Variants in ZHX3 observed in about 807,000 individuals in gnomAD.
The protein encoded by ZHX3 is zinc fingers and homeoboxes 3.
In ZHX3, 20 loss-of-function variants were observed where a neutral mutation model predicts 64.5. The ratio of observed to expected loss-of-function variants is 0.31; its 90% CI spans 0.22 to 0.45. The LOEUF (loss-of-function observed/expected upper bound fraction) is 0.45. ZHX3 is among the 20% of genes least tolerant of loss of function. The probability of loss-of-function intolerance (pLI) is 1.00; values close to 1 mark genes in which losing one functional copy is unlikely to be tolerated. For synonymous variants in ZHX3, 423 were observed against 461.6 expected (o/e 0.92, Z 1.07); for missense variants, 1,041 against 1,195.8 (o/e 0.87, Z 1.91).
intron 3 of ZHX3, among the ~76,000 whole-genome samples, chr20:41,189,012 T>C (rs1255404969): frequency 6.6e-6 from 1 of 152,216 alleles, no homozygotes; most frequent in African/African-American, 2.4e-5. Context: ...GTCTTAACTT[T>C]TGTATATGGT....
chr20:41,190,829 T>C (rs558512130), intron 3 of ZHX3, among the ~76,000 whole-genome samples: 2 of 152,284 alleles, frequency 1.3e-5, no homozygotes, highest in Admixed American at 6.5e-5. Flanking sequence ...CTTGGCTTAC[T>C]TTTTTTCCCC....
rs2036377876 is a variant in ZHX3, at chr20:41,184,720, G to T, written c.*471C>A. The stretch of plus-strand genomic sequence containing the variant: ...CCCTGCCTGACTGTGGAAGGTGAGG[G>T]GCACCTGTGACCCAGCAATCCCCAG... On this transcript the variant is annotated 3_prime_UTR_variant, in exon 4 of 4. Coordinates refer to ENST00000683867, the MANE Select transcript of ZHX3 (RefSeq NM_001384317.1). 1.5e-6 allele frequency: 1 copy of T among 668,834 alleles called. No individual in the cohort carries two copies. Among genetic ancestry groups the T allele is most frequent in the African/African-American group, 1.8e-5 (1 of 54,954 alleles). The allele number at this position is 668,834 out of a possible 1,614,324, so 41.4% of individuals were successfully genotyped here.
chr20:41,265,727 G>A (rs1046064384), intron 2 of ZHX3, among the ~76,000 whole-genome samples: 3 of 152,066 alleles, frequency 2.0e-5, no homozygotes, highest in Non-Finnish European at 4.4e-5. Flanking sequence ...AAGTAGAGAT[G>A]CCCACTACTA....
At chr20:41,190,188 C>T (rs903040951) in intron 3 of ZHX3, among the ~76,000 whole-genome samples, 2 of 152,212 alleles carry the variant, frequency 1.3e-5, no homozygotes, top group South Asian at 2.1e-4. Context: ...GTAGCCCAGG[C>T]GGAAGCACAG....
chr20:41,310,302 T>C (rs1407685128), intron 1 of ZHX3, among the ~76,000 whole-genome samples: 1 of 152,212 alleles, frequency 6.6e-6, no homozygotes, highest in East Asian at 1.9e-4. Flanking sequence ...TCAGGTTCAT[T>C]ACCCACTCTT....
intron 2 of ZHX3, among the ~76,000 whole-genome samples, chr20:41,220,898 A>G (rs569564641): frequency 6.6e-6 from 1 of 151,920 alleles, no homozygotes; most frequent in Non-Finnish European, 1.5e-5. Context: ...CATGTTGCCC[A>G]GGCTGATCTT....
intron 2 of ZHX3, among the ~76,000 whole-genome samples, chr20:41,258,103 T>A (rs1375943336): frequency 6.6e-6 from 1 of 151,022 alleles, no homozygotes; most frequent in South Asian, 2.1e-4. Flanking sequence ...TTTCACCAAG[T>A]TGGCCAGGCT....
chr20:41,193,876 AT>A (rs1274596476), intron 3 of ZHX3, among the ~76,000 whole-genome samples: 1 of 151,754 alleles, frequency 6.6e-6, no homozygotes, highest in East Asian at 1.9e-4. Flanking sequence ...CTAATTTTGT[AT>A]TTTTAGTAGA....
In ZHX3 at chr20:41,232,604, T is replaced by A. The variant is rs117767850; in HGVS notation, c.-150-27538A>T. 6.6e-6 allele frequency among the ~76,000 whole-genome samples: 1 copy of A among 152,310 alleles called. No homozygotes were observed. Among genetic ancestry groups the A allele is most frequent in the East Asian group, 1.9e-4 (1 of 5,180 alleles). ...TCTAATCTAGGAAAATTCTTCTTTT[T>A]TTTTTGAGACGGAGTCTCGCTGTCG... On this transcript the variant is annotated intron_variant, in intron 2 of 3. Coordinates refer to ENST00000683867, the MANE Select transcript of ZHX3 (RefSeq NM_001384317.1). The surrounding 1 kb of genome is among the most constrained non-coding windows in gnomAD (Gnocchi z 5.0).
At chr20:41,192,883 T>C (rs1568789481) in intron 3 of ZHX3, among the ~76,000 whole-genome samples, 1 of 152,110 alleles carries the variant, frequency 6.6e-6, no homozygotes, top group Non-Finnish European at 1.5e-5. Flanking sequence ...GCTGAGGAGC[T>C]CTCCCGTGGC....
intron 2 of ZHX3, among the ~76,000 whole-genome samples, chr20:41,220,864 T>G (rs769086047): frequency 2.0e-5 from 3 of 151,958 alleles, no homozygotes; most frequent in Non-Finnish European, 2.9e-5. Flanking sequence ...CAGCTATTTT[T>G]TTTTTGTAGA....
In ZHX3 at chr20:41,180,953, C is replaced by T. The variant is rs1227983481; in HGVS notation, c.*4238G>A. On this transcript the variant is annotated 3_prime_UTR_variant, in exon 4 of 4. Transcript: ENST00000683867. ...GTTGAAGCCTTGCTTGGGGAAGGGA[C>T]TTGAGCACAGGAGAAAGGCTTGAGC... 2 of 152,298 alleles carry T rather than the reference C, an allele frequency of 1.3e-5. No homozygotes were observed. The highest frequency in any genetic ancestry group is 4.1e-4 in the South Asian group (2 of 4,838). 9.4% of individuals were successfully genotyped at this position (152,298 alleles called of 1,614,324 possible). A position where few individuals can be genotyped will look rare whatever the true frequency, so the allele number is the denominator to read the frequency against.
Position 41,212,579 on chromosome 20 carries a change from C to T in ZHX3, c.-150-7513G>A, listed in dbSNP as rs979144548. On this transcript the variant is annotated intron_variant, in intron 2 of 3. Transcript: ENST00000683867. This position sits in a 1 kb window ranked among gnomAD's most constrained non-coding sequence, Gnocchi z 4.3. ...TTGGGAGGCCAAGGCGGGCGGATCA[C>T]CAGAGGTCAGGAGTTCAAGATCAGC... 1.3e-4 allele frequency among the ~76,000 whole-genome samples: 20 copies of T among 152,078 alleles called. No individual in the cohort carries two copies. Among genetic ancestry groups the T allele is most frequent in the African/African-American group, 4.6e-4 (19 of 41,410 alleles).
chr20:41,240,510 C>T (rs1032885105), intron 2 of ZHX3, among the ~76,000 whole-genome samples: 4 of 152,076 alleles, frequency 2.6e-5, no homozygotes, highest in African/African-American at 4.8e-5. Flanking sequence ...AGGAATTCAT[C>T]GCCTCAAGTA....
intron 2 of ZHX3, among the ~76,000 whole-genome samples, chr20:41,230,461 C>T (rs2040535420): frequency 6.6e-6 from 1 of 152,180 alleles, no homozygotes; most frequent in Non-Finnish European, 1.5e-5. Context: ...TCAAGACCTG[C>T]CCTGTCCAAC....
At position 41,204,010 on chromosome 20, in the gene ZHX3, G is replaced by A. The variant is rs199684079; in HGVS notation, c.907C>T (p.Leu303=). 2 of 1,614,208 alleles carry A rather than the reference G, an allele frequency of 1.2e-6. No homozygotes were observed. Among genetic ancestry groups the A allele is most frequent in the Admixed American group, 1.7e-5 (1 of 60,030 alleles). ...AKALPKVMIP[L]SSIPTYNAAM... is the part of the protein sequence containing the mutation. ...GCATTGTACGTTGGAATGCTGCTCAGGGGGATCATCACTTTGGGAAGGGCC... is the reference window on the plus strand; with the variant it reads ...GCATTGTACGTTGGAATGCTGCTCAAGGGGATCATCACTTTGGGAAGGGCC... The change falls in exon 3 of 4, where the codon CTG becomes TTG. Residue 303 remains leucine (L), a synonymous_variant. Transcript: ENST00000683867. The surrounding 1 kb of genome is among the most constrained non-coding windows in gnomAD (Gnocchi z 6.6).
In ZHX3 at chr20:41,185,254, C is replaced by T. The variant is rs995744975; in HGVS notation, c.2861-53G>A. 1.9e-6 allele frequency: 3 copies of T among 1,555,958 alleles called. No individual in the cohort carries two copies. The African/African-American group carries it at 4.0e-5, about 21-fold the overall frequency. ...CTACGGCAGCTGCCACCACCTGCCC[C>T]CCAGGCAGCCTGGTCCTTGCTATAC... On this transcript the variant is annotated intron_variant, in intron 3 of 3. Coordinates refer to ENST00000683867, the MANE Select transcript of ZHX3 (RefSeq NM_001384317.1). This position sits in a 1 kb window ranked among gnomAD's most constrained non-coding sequence, Gnocchi z 5.0.
intron 1 of ZHX3, among the ~76,000 whole-genome samples, chr20:41,308,796 C>T (rs1227377497): frequency 6.6e-6 from 1 of 152,158 alleles, no homozygotes; most frequent in Non-Finnish European, 1.5e-5. Context: ...TAGACAACCC[C>T]TTGGGGATAA....
At chr20:41,220,671 G>GT (rs1568847023) in intron 2 of ZHX3, among the ~76,000 whole-genome samples, 10 of 150,776 alleles carry the variant, frequency 6.6e-5, no homozygotes, top group African/African-American at 1.5e-4. Flanking sequence ...AGTTTTTTTT[G>GT]GTTTTTTTTG....
Sources: allele counts gnomAD v4.1 joint callset (sites outside exome capture counted in the v4.1 genomes callset), GRCh38; gene constraint gnomAD v4.1.1; non-coding constraint Gnocchi (gnomAD v3.1); transcripts MANE v1.5; gene names NCBI Gene and HGNC (gene_info 2026-07-23, HGNC 2026-07-21).